The following NRG1 variants were observed in gnomAD, a reference collection of about 807,000 sequenced individuals.
NRG1 encodes the protein pro-neuregulin-1, membrane-bound isoform.
A neutral mutation model predicts 63.8 loss-of-function variants in NRG1; 18 were observed. The ratio of observed to expected loss-of-function variants is 0.28; its 90% CI spans 0.19 to 0.42. The LOEUF is 0.42. Among genes scored for constraint, NRG1 ranks in the 10% least tolerant of loss-of-function variants. The pLI, the probability that NRG1 is intolerant of heterozygous loss-of-function variation, is 1.00. For missense variants in NRG1, 762 were observed against 814.7 expected (o/e 0.94, Z 0.79); for synonymous variants, 302 against 301.3 (o/e 1.00, Z -0.02).
chr8:31,702,536 T>C (rs1810734016), intron 1 of NRG1, among the ~76,000 whole-genome samples: 1 of 152,030 alleles, frequency 6.6e-6, no homozygotes, highest in Non-Finnish European at 1.5e-5. Flanking sequence ...AGTTAATTGT[T>C]ATTTTCAATC....
At chr8:32,231,192 G>A (rs1025064193) in intron 1 of NRG1, among the ~76,000 whole-genome samples, 2 of 152,058 alleles carry the variant, frequency 1.3e-5, no homozygotes, top group Non-Finnish European at 2.9e-5. Flanking sequence ...GTTAAAAAAA[G>A]GGTATTTTTA....
intron 1 of NRG1, among the ~76,000 whole-genome samples, chr8:32,559,998 C>G (rs1415940316): frequency 5.3e-5 from 8 of 152,024 alleles, no homozygotes; most frequent in Admixed American, 5.2e-4. Flanking sequence ...GGCTGGGTGA[C>G]AGAGTGAGAC....
At chr8:32,431,971 C>T (rs1289353608) in intron 1 of NRG1, among the ~76,000 whole-genome samples, 1 of 152,028 alleles carries the variant, frequency 6.6e-6, no homozygotes, top group Admixed American at 6.6e-5. Context: ...ACATGGTAGT[C>T]GTTATTATTT....
At chr8:32,317,725 T>C (rs1800927982) in intron 1 of NRG1, among the ~76,000 whole-genome samples, 2 of 152,126 alleles carry the variant, frequency 1.3e-5, no homozygotes, top group African/African-American at 4.8e-5. Flanking sequence ...TAGATAAAAA[T>C]ATCTCCCCAC....
rs191993614 is a variant in NRG1 at position 32,292,888 on chromosome 8, G to A, written c.38-302940G>A. ...TGGGAGGCCAAGGCAGGCTGATCAC[G>A]AGGTCAGGAATTTGAGACCAGCCTG... is the stretch of plus-strand genomic sequence containing the variant. On this transcript the variant is annotated intron_variant, in intron 1 of 10. Coordinates refer to the NRG1 transcript ENST00000519301. Among the ~76,000 whole-genome samples the A allele has an allele frequency of 2.7e-3, 415 of 152,228 alleles. 2 individuals are homozygous for A. Among genetic ancestry groups the A allele is most frequent in the Non-Finnish European group, 4.8e-3 (329 of 68,016 alleles).
At chr8:32,211,366 G>T (rs1213537261) in intron 1 of NRG1, among the ~76,000 whole-genome samples, 1 of 152,194 alleles carries the variant, frequency 6.6e-6, no homozygotes, top group East Asian at 1.9e-4. Flanking sequence ...TTTAGAAACA[G>T]TGTTCCCATG....
intron 1 of NRG1, among the ~76,000 whole-genome samples, chr8:32,051,787 A>T (rs1042783452): frequency 9.2e-5 from 14 of 152,108 alleles, no homozygotes; most frequent in Non-Finnish European, 8.8e-5. Flanking sequence ...GGGCAGGGGG[A>T]TTCAAATAAA....
chr8:32,222,283 TG>T (rs2132494424), intron 1 of NRG1, among the ~76,000 whole-genome samples: 1 of 152,324 alleles, frequency 6.6e-6, no homozygotes, highest in South Asian at 2.1e-4. Context: ...CTCACAACCT[TG>T]TTTTTTTCTT....
chr8:32,358,642 C>T (rs143050851), intron 1 of NRG1, among the ~76,000 whole-genome samples: 1 of 152,240 alleles, frequency 6.6e-6, no homozygotes, highest in African/African-American at 2.4e-5. Context: ...CATAGATTCT[C>T]CATTTTGCAG....
At chr8:32,383,711 T>C (rs767416424) in intron 1 of NRG1, among the ~76,000 whole-genome samples, 2 of 152,220 alleles carry the variant, frequency 1.3e-5, no homozygotes, top group Non-Finnish European at 2.9e-5. Context: ...TCAGACACCA[T>C]CTGGTGATGG....
chr8:31,851,164 G>C (rs978329410), intron 1 of NRG1, among the ~76,000 whole-genome samples: 3 of 152,186 alleles, frequency 2.0e-5, no homozygotes, highest in Admixed American at 1.3e-4. Flanking sequence ...TGTTGACAAA[G>C]AAGTAGAAAG....
At chr8:31,983,791 G>A (rs911761522) in intron 1 of NRG1, among the ~76,000 whole-genome samples, 1 of 152,004 alleles carries the variant, frequency 6.6e-6, no homozygotes, top group Non-Finnish European at 1.5e-5. Flanking sequence ...TCTAAGTCAG[G>A]ACATCCTAAT....
chr8:32,371,828 C>T (rs1164437786), intron 1 of NRG1, among the ~76,000 whole-genome samples: 2 of 152,044 alleles, frequency 1.3e-5, no homozygotes, highest in South Asian at 2.1e-4. Flanking sequence ...TTCCCCAGCC[C>T]GCTCAGGCTG....
At chr8:31,988,456 G>A (rs1810468061) in intron 1 of NRG1, among the ~76,000 whole-genome samples, 1 of 151,982 alleles carries the variant, frequency 6.6e-6, no homozygotes, top group South Asian at 2.1e-4. Flanking sequence ...TTGTGGATTG[G>A]CCAAAACTCT....
intron 1 of NRG1, among the ~76,000 whole-genome samples, chr8:31,744,485 C>A (rs947362739): frequency 1.3e-5 from 2 of 151,970 alleles, no homozygotes; most frequent in South Asian, 4.1e-4. Flanking sequence ...CAGAGCCCTA[C>A]CCTGCACCCA....
chr8:32,297,544 C>T (rs1246283814), intron 1 of NRG1, among the ~76,000 whole-genome samples: 1 of 152,178 alleles, frequency 6.6e-6, no homozygotes, highest in African/African-American at 2.4e-5. Context: ...TGCTACTTTC[C>T]TTGGACCCTT....
intron 7 of NRG1, among the ~76,000 whole-genome samples, chr8:32,746,045 AAGTAGAAT>A (rs1262603153): frequency 1.3e-5 from 2 of 152,164 alleles, no homozygotes; most frequent in Non-Finnish European, 2.9e-5. Context: ...ATCTTGCTAA[AAGTAGAAT>A]AGAGGAACAC....
intron 1 of NRG1, among the ~76,000 whole-genome samples, chr8:32,349,564 GGAAGT>G (rs1342231637): frequency 6.6e-6 from 1 of 152,148 alleles, no homozygotes; most frequent in Non-Finnish European, 1.5e-5. Flanking sequence ...AATGAGGGAT[GGAAGT>G]GAAGAGTAGG....
At chr8:31,720,913 C>A (rs1812847370) in intron 1 of NRG1, among the ~76,000 whole-genome samples, 1 of 152,140 alleles carries the variant, frequency 6.6e-6, no homozygotes, top group Non-Finnish European at 1.5e-5. Flanking sequence ...AGAGGCAATA[C>A]CTGGAGCTAA....
Sources: allele counts gnomAD v4.1 joint callset (sites outside exome capture counted in the v4.1 genomes callset), GRCh38; gene constraint gnomAD v4.1.1; transcripts MANE v1.5; gene names NCBI Gene and HGNC (gene_info 2026-07-23, HGNC 2026-07-21).